The following KDM1B variants were observed in gnomAD, a reference collection of about 807,000 sequenced individuals.
KDM1B encodes the protein lysine demethylase 1B, also known as lysine-specific histone demethylase 2.
KDM1B carries 63 observed loss-of-function variants against 107.4 expected under a neutral mutation model. That is an observed-to-expected ratio of 0.59 (90% CI 0.48 to 0.72). KDM1B has a LOEUF of 0.72. Among genes scored for constraint, KDM1B ranks in the 30% least tolerant of loss-of-function variants. The probability of loss-of-function intolerance (pLI) is 0.00; values close to 1 mark genes in which losing one functional copy is unlikely to be tolerated. For missense variants in KDM1B, 749 were observed against 1,020.8 expected (o/e 0.73, Z 3.63); for synonymous variants, 363 against 363.9 (o/e 1.00, Z 0.03).
rs1789843898 is a variant in KDM1B, at chr6:18,222,588, A to G, written c.*596A>G. 2 of 164,952 alleles carry G rather than the reference A, an allele frequency of 1.2e-5. No individual in the cohort carries two copies. Among genetic ancestry groups the G allele is most frequent in the Non-Finnish European group, 2.6e-5 (2 of 76,026 alleles). The allele number at this position is 164,952 out of a possible 1,614,324, so 10.2% of individuals were successfully genotyped here. A position where few individuals can be genotyped will look rare whatever the true frequency, so the allele number is the denominator to read the frequency against. On this transcript the variant is annotated 3_prime_UTR_variant, in exon 22 of 22. Transcript: ENST00000650836. The stretch of plus-strand genomic sequence containing the variant: ...CATATTTCCTCCTACTGGGTGTTCA[A>G]AAGAAATTTAAATTCAAGTACCTTT...
intron 10 of KDM1B, among the ~76,000 whole-genome samples, chr6:18,192,793 A>G (rs1181732674): frequency 6.7e-6 from 1 of 150,094 alleles, no homozygotes; most frequent in Non-Finnish European, 1.5e-5. Flanking sequence ...TTTTTTGGTC[A>G]CATTTCTTTC....
Position 18,223,049 on chromosome 6 carries a change from C to T in KDM1B, c.*1057C>T, listed in dbSNP as rs1789886144. On this transcript the variant is annotated 3_prime_UTR_variant, in exon 22 of 22. Coordinates refer to ENST00000650836, the MANE Select transcript of KDM1B (RefSeq NM_001364614.2). ...ATCTTTTTTTTAAAAACACTCATGACAGAAAACAGTTTAATAATATCTCAT... is the reference window on the plus strand; with the variant it reads ...ATCTTTTTTTTAAAAACACTCATGATAGAAAACAGTTTAATAATATCTCAT... 1 of 152,394 alleles carries T rather than the reference C, an allele frequency of 6.6e-6. No homozygotes were observed. The allele number at this position is 152,394 out of a possible 1,614,324, so 9.4% of individuals were successfully genotyped here.
rs990442867 is a variant in KDM1B, at chr6:18,209,545, G to A, written c.1866+1339G>A. Among the ~76,000 whole-genome samples the A allele has an allele frequency of 2.2e-4, 33 of 152,302 alleles. No individual in the cohort carries two copies. Among genetic ancestry groups the A allele is most frequent in the South Asian group, 8.3e-4 (4 of 4,828 alleles). On this transcript the variant is annotated intron_variant, in intron 17 of 21. Coordinates refer to ENST00000650836, the MANE Select transcript of KDM1B (RefSeq NM_001364614.2). This position sits in a 1 kb window ranked among gnomAD's most constrained non-coding sequence, Gnocchi z 4.3. The stretch of plus-strand genomic sequence containing the variant: ...TGCACGTCGGAACCACCTGGGAGGC[G>A]CTTACAAAGAAAGGCTGGAAAGCCC...
chr6:18,201,381 T>C lies in KDM1B; in HGVS notation c.1360-105T>C, dbSNP rs1444225153. On this transcript the variant is annotated intron_variant, in intron 13 of 21. Coordinates refer to ENST00000650836, the MANE Select transcript of KDM1B (RefSeq NM_001364614.2). This position sits in a 1 kb window ranked among gnomAD's most constrained non-coding sequence, Gnocchi z 4.3. Reference sequence around the variant, plus strand: ...TATTTAGCTTTATTTTTGAGAGATATGAGACCATTTTCTCCATGAGAGCTC... The same window carrying C: ...TATTTAGCTTTATTTTTGAGAGATACGAGACCATTTTCTCCATGAGAGCTC... The C allele has an allele frequency of 1.3e-5, 10 of 788,898 alleles. No homozygotes were observed. The highest frequency in any genetic ancestry group is 2.7e-5 in the East Asian group (1 of 37,118). The allele number at this position is 788,898 out of a possible 1,614,324, so 48.9% of individuals were successfully genotyped here. A position where few individuals can be genotyped will look rare whatever the true frequency, so the allele number is the denominator to read the frequency against.
intron 20 of KDM1B, among the ~76,000 whole-genome samples, chr6:18,215,827 A>G (rs1789183601): frequency 6.7e-6 from 1 of 149,650 alleles, no homozygotes; most frequent in Non-Finnish European, 1.5e-5. Context: ...AGCTTTGACT[A>G]CAGCTTTCCT....
chr6:18,179,941 G>A (rs1276989438), intron 7 of KDM1B, among the ~76,000 whole-genome samples: 5 of 129,420 alleles, frequency 3.9e-5, no homozygotes, highest in East Asian at 4.8e-4. Flanking sequence ...CTGGTTTACT[G>A]CAGCCTTTAC....
chr6:18,207,617 G>T, intron 16 of KDM1B, 88 bp downstream of exon 16: 2 of 1,528,708 alleles, frequency 1.3e-6, no homozygotes, highest in Non-Finnish European at 1.8e-6. Flanking sequence ...GGAGAATGGG[G>T]CTGGCTTTGG....
chr6:18,155,795 G>C lies in KDM1B; in HGVS notation c.-57-88G>C, dbSNP rs1274021358. Reference sequence around the variant, plus strand: ...TCTGTCTGAAGAAGGGGGAATTCCCGGGCTAGGGTGTTGGGGCGTGGGGTC... The same window carrying C: ...TCTGTCTGAAGAAGGGGGAATTCCCCGGCTAGGGTGTTGGGGCGTGGGGTC... On this transcript the variant is annotated intron_variant, in intron 1 of 21. Transcript: ENST00000650836. This position sits in a 1 kb window ranked among gnomAD's most constrained non-coding sequence, Gnocchi z 6.2. The C allele has an allele frequency of 6.6e-6, 1 of 152,336 alleles. No homozygotes were observed. Among genetic ancestry groups the C allele is most frequent in the Non-Finnish European group, 1.5e-5 (1 of 68,132 alleles). The allele number at this position is 152,336 out of a possible 1,614,324, so 9.4% of individuals were successfully genotyped here.
At position 18,200,359 on chromosome 6, in the gene KDM1B, G is replaced by C; in HGVS notation, c.1222-80G>C. The C allele has an allele frequency of 1.5e-6, 2 of 1,330,078 alleles. No homozygotes were observed. Among genetic ancestry groups the C allele is most frequent in the Non-Finnish European group, 2.1e-6 (2 of 964,380 alleles). 82.4% of individuals were successfully genotyped at this position (1,330,078 alleles called of 1,614,324 possible). On this transcript the variant is annotated intron_variant, in intron 12 of 21. Transcript: ENST00000650836. The surrounding 1 kb of genome is among the most constrained non-coding windows in gnomAD (Gnocchi z 4.3). ...CCAAATATAGAGGCTATTTAACAGT[G>C]TCCTTCTACATTTTTATAATACTGT...
intron 7 of KDM1B, among the ~76,000 whole-genome samples, chr6:18,174,883 C>G (rs1785894847): frequency 6.6e-6 from 1 of 152,154 alleles, no homozygotes; most frequent in Admixed American, 6.5e-5. Context: ...TCTTTATCCA[C>G]TTGTTGATTG....
rs555550642 is a variant in KDM1B at position 18,190,072 on chromosome 6, C to T, written c.785-1125C>T. On this transcript the variant is annotated intron_variant, in intron 9 of 21. Coordinates refer to ENST00000650836, the MANE Select transcript of KDM1B (RefSeq NM_001364614.2). Reference sequence around the variant, plus strand: ...GGGTGAGGAAGGAGAATCACTTGAACCTGGGAGGCGGAGGTTGCAGTGAGC... The same window carrying T: ...GGGTGAGGAAGGAGAATCACTTGAATCTGGGAGGCGGAGGTTGCAGTGAGC... Among the ~76,000 whole-genome samples, 7 of 152,076 alleles carry T rather than the reference C, an allele frequency of 4.6e-5. No homozygotes were observed. The South Asian group carries it at 1.5e-3, about 32-fold the overall frequency.
intron 16 of KDM1B, 140 bp from the exon 17 acceptor site, chr6:18,207,992 C>G: frequency 1.4e-6 from 1 of 693,288 alleles, no homozygotes; most frequent in Non-Finnish European, 2.6e-6. Context: ...TCAGCTATAA[C>G]AATTGTTTAG....
At chr6:18,160,854 A>C (rs1258165399) in intron 3 of KDM1B, among the ~76,000 whole-genome samples, 1 of 137,594 alleles carries the variant, frequency 7.3e-6, no homozygotes, top group Non-Finnish European at 1.5e-5. Context: ...TTTTCCAGAC[A>C]ATCTCCTCTA....
At chr6:18,207,221 C>A (rs1226376007) in intron 15 of KDM1B, among the ~76,000 whole-genome samples, 177 bp from the exon 16 acceptor site, 1 of 152,128 alleles carries the variant, frequency 6.6e-6, no homozygotes, top group Admixed American at 6.5e-5. Context: ...AATAAACTTT[C>A]CTCAAATAAA....
intron 20 of KDM1B, 123 bp from the exon 21 acceptor site, chr6:18,217,610 C>G: frequency 1.4e-6 from 1 of 698,430 alleles, no homozygotes; most frequent in South Asian, 1.9e-5. Flanking sequence ...ATCTCCTGAC[C>G]TTGTGATCCA....
At chr6:18,179,161 A>AC (rs1166187406) in intron 7 of KDM1B, among the ~76,000 whole-genome samples, 7 of 152,202 alleles carry the variant, frequency 4.6e-5, no homozygotes, top group Non-Finnish European at 8.8e-5. Context: ...TATGATGACC[A>AC]TTGCATTTTC....
intron 14 of KDM1B, among the ~76,000 whole-genome samples, chr6:18,202,152 A>G (rs169967): frequency 0.19 from 29,177 of 151,780 alleles, 4,916 homozygotes; most frequent in African/African-American, 0.46. Context: ...TGTAATCCGA[A>G]CATTTGGGAG....
At position 18,212,449 on chromosome 6, in the gene KDM1B, G is replaced by T. The variant is rs1788915889; in HGVS notation, c.1867-39G>T. 1.7e-6 allele frequency: 2 copies of T among 1,195,946 alleles called. No homozygotes were observed. The highest frequency in any genetic ancestry group is 3.0e-5 in the African/African-American group (2 of 66,806). The allele number at this position is 1,195,946 out of a possible 1,614,324, so 74.1% of individuals were successfully genotyped here. On this transcript the variant is annotated intron_variant, in intron 17 of 21. Coordinates refer to ENST00000650836, the MANE Select transcript of KDM1B (RefSeq NM_001364614.2). The surrounding 1 kb of genome is among the most constrained non-coding windows in gnomAD (Gnocchi z 5.2). ...CAGTGTAGTGGTAGTGTGAGGTTCT[G>T]TTGCTGTTTGTTTGTTAACTGTTAA...
At chr6:18,215,684 C>CT (rs574225044) in intron 20 of KDM1B, among the ~76,000 whole-genome samples, 29 of 151,860 alleles carry the variant, frequency 1.9e-4, no homozygotes, top group African/African-American at 6.8e-4. Flanking sequence ...TGCCCTGTAC[C>CT]TTTTTTTACA....
Sources: gnomAD v4.1 joint callset for allele counts (sites outside exome capture counted in the v4.1 genomes callset) on GRCh38, gnomAD v4.1.1 for gene constraint, Gnocchi (gnomAD v3.1) non-coding constraint, MANE v1.5 for transcripts, NCBI Gene and HGNC (gene_info 2026-07-23, HGNC 2026-07-21) for gene names.